Variants in OR5AR1 observed in about 807,000 individuals in gnomAD.
The protein encoded by OR5AR1 is olfactory receptor family 5 subfamily AR member 1.
Under a neutral mutation model 12.3 loss-of-function variants are expected in OR5AR1, and 19 were observed. That is an observed-to-expected ratio of 1.55 (90% confidence interval 1.08 to 2.27). OR5AR1 has a LOEUF of 2.27. OR5AR1 is among the 30% of genes most tolerant of loss of function. OR5AR1 has a pLI of 0.00. For missense variants in OR5AR1, 432 were observed against 378.4 expected, an observed-to-expected ratio of 1.14 and a Z score of -1.18; for synonymous variants, 156 against 138.8, an observed-to-expected ratio of 1.12 and a Z score of -0.87.
chr11:56,664,307 T>C lies in OR5AR1; in HGVS notation c.622T>C (p.Phe208Leu), dbSNP rs776217000. 2 of 1,614,150 alleles carry C rather than the reference T, an allele frequency of 1.2e-6. No individual in the cohort carries two copies. Among genetic ancestry groups the C allele is most frequent in the Non-Finnish European group, 1.7e-6 (2 of 1,180,010 alleles). The part of the protein sequence containing the change: ...LLFSLCGFIE[F>L]STILIIFISY... ...CTTCAGTCTGTGTGGCTTCATTGAA[T>C]TCAGCACCATCCTCATCATCTTCAT... The change falls in exon 1 of 1, where the codon TTC becomes CTC. Residue 208 changes from phenylalanine (F) to leucine (L), a missense_variant. Physicochemically the swap from Phe to Leu is conservative, Grantham distance 22. Transcript: ENST00000624596.
In OR5AR1 at chr11:56,663,772, G is replaced by A; in HGVS notation, c.87G>A (p.Val29=). Residue 29 remains valine (V), a synonymous_variant, in exon 1 of 1, where the codon GTG becomes GTA. Coordinates refer to ENST00000624596, the MANE Select transcript of OR5AR1 (RefSeq NM_001004730.1). ...CTCAGATGGAGATCATCTTCTTCGT[G>A]GTCTTCCTCATAGTTTACCTGGTTA... ...QDPQMEIIFF[V]VFLIVYLVNV... is the part of the protein sequence containing the mutation. 6.2e-7 allele frequency: 1 copy of A among 1,613,280 alleles called. No individual in the cohort carries two copies.
In OR5AR1 at chr11:56,664,493, C is replaced by A; in HGVS notation, c.808C>A (p.Gln270Lys). Residue 270 changes from glutamine to lysine, a missense_variant, in exon 1 of 1, where the codon CAA (glutamine) becomes AAA (lysine). Gln to Lys is a moderately conservative substitution (Grantham distance 53, BLOSUM62 1). Coordinates refer to ENST00000624596, the MANE Select transcript of OR5AR1 (RefSeq NM_001004730.1). ...LRPTSSYSLD[Q>K]DKWASVFYTV... ...GCCAACATCCAGCTACTCCCTGGAC[C>A]AAGACAAGTGGGCCTCTGTGTTCTA... 6.2e-7 allele frequency: 1 copy of A among 1,613,856 alleles called. No homozygotes were observed. The highest frequency in any genetic ancestry group is 1.3e-5 in the African/African-American group (1 of 74,988).
chr11:56,664,341 C>A lies in OR5AR1; in HGVS notation c.656C>A (p.Thr219Asn). ...STILIIFISY[T>N]FILVAIIRMR... is the part of the protein sequence containing the mutation. ...ATCCTCATCATCTTCATCTCCTATA[C>A]CTTTATCCTTGTTGCAATCATCAGA... Residue 219 changes from threonine (T) to asparagine (N), a missense_variant, in exon 1 of 1, where the codon ACC becomes AAC. Thr to Asn is a moderately conservative substitution (Grantham distance 65). Transcript: ENST00000624596. The A allele has an allele frequency of 6.2e-7, 1 of 1,614,108 alleles. No individual in the cohort carries two copies. Among genetic ancestry groups the A allele is most frequent in the Non-Finnish European group, 8.5e-7 (1 of 1,180,022 alleles).
chr11:56,664,476 C>A lies in OR5AR1; in HGVS notation c.791C>A (p.Ser264Tyr). The change falls in exon 1 of 1, where the codon TCC (serine) becomes TAC (tyrosine). Residue 264 changes from serine (S) to tyrosine (Y), a missense_variant. Physicochemically the swap from Ser to Tyr is moderately radical, Grantham distance 144. Coordinates refer to ENST00000624596, the MANE Select transcript of OR5AR1 (RefSeq NM_001004730.1). Reference protein sequence around the residue: ...TVMFMYLRPTSSYSLDQDKWA... With the variant: ...TVMFMYLRPTYSYSLDQDKWA... ...ATGTTTATGTACCTGAGGCCAACAT[C>A]CAGCTACTCCCTGGACCAAGACAAG... is the stretch of plus-strand genomic sequence containing the variant. 6.2e-7 allele frequency: 1 copy of A among 1,614,112 alleles called. No homozygotes were observed. The highest frequency in any genetic ancestry group is 2.2e-5 in the East Asian group (1 of 44,862).
rs778865539 is a variant in OR5AR1, at chr11:56,663,893, G to T, written c.208G>T (p.Asp70Tyr). 1.9e-5 allele frequency: 30 copies of T among 1,613,818 alleles called. No homozygotes were observed. The highest frequency in any genetic ancestry group is 2.5e-5 in the Non-Finnish European group (30 of 1,179,954). Residue 70 changes from aspartate to tyrosine, a missense_variant, in exon 1 of 1, where the codon GAC (aspartate) becomes TAC (tyrosine). Asp to Tyr is a radical substitution (Grantham distance 160, BLOSUM62 -3). Transcript: ENST00000624596. ...YFFLCNLSFV[D>Y]LGYSSAIAPR... The stretch of plus-strand genomic sequence containing the variant: ...TTTCCTCTGCAACCTCTCCTTTGTT[G>T]ACCTGGGCTACTCCTCAGCCATTGC...
Position 56,664,473 on chromosome 11 carries a change from C to T in OR5AR1, c.788C>T (p.Thr263Ile). 3 of 1,614,152 alleles carry T rather than the reference C, an allele frequency of 1.9e-6. No individual in the cohort carries two copies. Among genetic ancestry groups the T allele is most frequent in the East Asian group, 2.2e-5 (1 of 44,868 alleles). Reference sequence around the variant, plus strand: ...GTCATGTTTATGTACCTGAGGCCAACATCCAGCTACTCCCTGGACCAAGAC... The same window carrying T: ...GTCATGTTTATGTACCTGAGGCCAATATCCAGCTACTCCCTGGACCAAGAC... ...GTVMFMYLRP[T>I]SSYSLDQDKW... Residue 263 changes from threonine to isoleucine, a missense_variant, in exon 1 of 1, where the codon ACA (threonine) becomes ATA (isoleucine). Transcript: ENST00000624596.
In OR5AR1 at chr11:56,664,476, C is replaced by T; in HGVS notation, c.791C>T (p.Ser264Phe). 6.2e-7 allele frequency: 1 copy of T among 1,614,112 alleles called. No homozygotes were observed. Among genetic ancestry groups the T allele is most frequent in the Non-Finnish European group, 8.5e-7 (1 of 1,180,010 alleles). The stretch of plus-strand genomic sequence containing the variant: ...ATGTTTATGTACCTGAGGCCAACAT[C>T]CAGCTACTCCCTGGACCAAGACAAG... ...TVMFMYLRPT[S>F]SYSLDQDKWA... The change falls in exon 1 of 1, where the codon TCC (serine) becomes TTC (phenylalanine). Residue 264 changes from serine (S) to phenylalanine (F), a missense_variant. Transcript: ENST00000624596.
chr11:56,663,799 T>G lies in OR5AR1; in HGVS notation c.114T>G (p.Asn38Lys). The G allele has an allele frequency of 1.2e-6, 2 of 1,613,650 alleles. No homozygotes were observed. The highest frequency in any genetic ancestry group is 1.7e-6 in the Non-Finnish European group (2 of 1,179,610). ...FVVFLIVYLV[N>K]VVGNIGMIIL... ...TCTTCCTCATAGTTTACCTGGTTAA[T>G]GTAGTGGGGAATATTGGTATGATTA... is the stretch of plus-strand genomic sequence containing the variant. Residue 38 changes from asparagine (N) to lysine (K), a missense_variant, in exon 1 of 1, where the codon AAT becomes AAG. Asn to Lys is a moderately conservative substitution (Grantham distance 94). Transcript: ENST00000624596.
Position 56,664,306 on chromosome 11 carries a change from AT to A in OR5AR1, c.623del (p.Phe208SerfsTer53). 6.2e-7 allele frequency: 1 copy of A among 1,614,104 alleles called. No individual in the cohort carries two copies. Among genetic ancestry groups the A allele is most frequent in the Non-Finnish European group, 8.5e-7 (1 of 1,180,020 alleles). On this transcript the variant is annotated frameshift_variant, in exon 1 of 1. Transcript: ENST00000624596. LOFTEE classifies it high-confidence loss of function. ...LLFSLCGFIE[F>X]STILIIFISY... ...TCTTCAGTCTGTGTGGCTTCATTGA[AT>A]TCAGCACCATCCTCATCATCTTCAT...
In OR5AR1 at chr11:56,664,582, T is replaced by C. The variant is rs773297198; in HGVS notation, c.897T>C (p.Ala299=). 3.8e-6 allele frequency: 6 copies of C among 1,599,180 alleles called. No individual in the cohort carries two copies. Among genetic ancestry groups the C allele is most frequent in the Non-Finnish European group, 5.1e-6 (6 of 1,172,084 alleles). Residue 299 remains alanine, a synonymous_variant, in exon 1 of 1, where the codon GCT becomes GCC. Coordinates refer to ENST00000624596, the MANE Select transcript of OR5AR1 (RefSeq NM_001004730.1). ...GTTTGCGGAACAAGGATGTGAAAGC[T>C]GCTTTCAAAAAGCTAATTGGAAAAA... ...IYSLRNKDVK[A]AFKKLIGKKS...
rs767339924 is a variant in OR5AR1, at chr11:56,663,702, G to A, written c.17G>A (p.Ser6Asn). MDKEN[S>N]SMVTEFIFMG... ...CTTGAAGCAATGGATAAAGAAAACA[G>A]CTCAATGGTGACTGAGTTTATCTTC... The change falls in exon 1 of 1, where the codon AGC becomes AAC. Residue 6 changes from serine (S) to asparagine (N), a missense_variant. Transcript: ENST00000624596. 2.5e-6 allele frequency: 4 copies of A among 1,609,454 alleles called. No individual in the cohort carries two copies. The highest frequency in any genetic ancestry group is 3.4e-6 in the Non-Finnish European group (4 of 1,177,328).
At position 56,663,958 on chromosome 11, in the gene OR5AR1, T is replaced by A; in HGVS notation, c.273T>A (p.Val91=). The A allele has an allele frequency of 6.2e-7, 1 of 1,614,106 alleles. No individual in the cohort carries two copies. The highest frequency in any genetic ancestry group is 8.5e-7 in the Non-Finnish European group (1 of 1,180,018). The change falls in exon 1 of 1, where the codon GTT becomes GTA. Residue 91 remains valine (V), a synonymous_variant. Coordinates refer to ENST00000624596, the MANE Select transcript of OR5AR1 (RefSeq NM_001004730.1). ...MLADFLTNHK[V]ISFSSCATQF... ...CTGACTTCCTAACAAATCACAAAGT[T>A]ATCTCCTTCTCCAGCTGTGCCACCC...
rs777406563 is a variant in OR5AR1, at chr11:56,664,112, G to A, written c.427G>A (p.Ala143Thr). Reference protein sequence around the residue: ...STFMSKQVCLALMLGSYLAGL... With the variant: ...STFMSKQVCLTLMLGSYLAGL... The stretch of plus-strand genomic sequence containing the variant: ...CTTCATGTCCAAGCAGGTCTGCTTG[G>A]CTCTCATGCTGGGCTCTTACCTGGC... The change falls in exon 1 of 1, where the codon GCT becomes ACT. Residue 143 changes from alanine (A) to threonine (T), a missense_variant. Transcript: ENST00000624596. The A allele has an allele frequency of 2.5e-6, 4 of 1,613,936 alleles. No homozygotes were observed. The highest frequency in any genetic ancestry group is 1.1e-5 in the South Asian group (1 of 91,070).
Position 56,663,847 on chromosome 11 carries a change from G to A in OR5AR1, c.162G>A (p.Gln54=), listed in dbSNP as rs1429846004. The change falls in exon 1 of 1, where the codon CAG becomes CAA. Residue 54 remains glutamine, a synonymous_variant. Coordinates refer to ENST00000624596, the MANE Select transcript of OR5AR1 (RefSeq NM_001004730.1). ...GMIILITTDT[Q]LHTPMYFFLC... ...TTATCCTGATTACAACAGACACTCA[G>A]CTTCACACACCCATGTATTTTTTCC... 9 of 1,614,062 alleles carry A rather than the reference G, an allele frequency of 5.6e-6. No individual in the cohort carries two copies. Among genetic ancestry groups the A allele is most frequent in the Non-Finnish European group, 7.6e-6 (9 of 1,179,984 alleles).
chr11:56,663,938 TTCCTAACAAA>T lies in OR5AR1; in HGVS notation c.256_265del (p.Leu86ThrfsTer17). ...CATTGCCCCCAGGATGCTGGCTGAC[TTCCTAACAAA>T]TCACAAAGTTATCTCCTTCTCCAGC... On this transcript the variant is annotated frameshift_variant, in exon 1 of 1. Coordinates refer to ENST00000624596, the MANE Select transcript of OR5AR1 (RefSeq NM_001004730.1). LOFTEE classifies it high-confidence loss of function. The T allele has an allele frequency of 6.2e-7, 1 of 1,614,160 alleles. No homozygotes were observed. The highest frequency in any genetic ancestry group is 8.5e-7 in the Non-Finnish European group (1 of 1,180,032).
In OR5AR1 at chr11:56,663,885, CCTT is replaced by C; in HGVS notation, c.201_203del (p.Phe68del). On this transcript the variant is annotated inframe_deletion, in exon 1 of 1. Coordinates refer to ENST00000624596, the MANE Select transcript of OR5AR1 (RefSeq NM_001004730.1). ...ATGTATTTTTTCCTCTGCAACCTCT[CCTT>C]TGTTGACCTGGGCTACTCCTCAGCC... is the stretch of plus-strand genomic sequence containing the variant. The C allele has an allele frequency of 1.2e-6, 2 of 1,614,070 alleles. No individual in the cohort carries two copies. The highest frequency in any genetic ancestry group is 2.2e-5 in the South Asian group (2 of 91,084).
chr11:56,663,994 T>G lies in OR5AR1; in HGVS notation c.309T>G (p.Phe103Leu). 1 of 1,614,078 alleles carries G rather than the reference T, an allele frequency of 6.2e-7. No individual in the cohort carries two copies. The highest frequency in any genetic ancestry group is 8.5e-7 in the Non-Finnish European group (1 of 1,180,028). ...CCAGCTGTGCCACCCAGTTTGCTTT[T>G]TTTGTAGGTTTTGTGGATGCTGAGT... Reference protein sequence around the residue: ...SFSSCATQFAFFVGFVDAECY... With the variant: ...SFSSCATQFALFVGFVDAECY... Residue 103 changes from phenylalanine (F) to leucine (L), a missense_variant, in exon 1 of 1, where the codon TTT (phenylalanine) becomes TTG (leucine). Coordinates refer to ENST00000624596, the MANE Select transcript of OR5AR1 (RefSeq NM_001004730.1).
chr11:56,663,939 T>A lies in OR5AR1; in HGVS notation c.254T>A (p.Phe85Tyr). 1 of 1,614,136 alleles carries A rather than the reference T, an allele frequency of 6.2e-7. No individual in the cohort carries two copies. Among genetic ancestry groups the A allele is most frequent in the Non-Finnish European group, 8.5e-7 (1 of 1,180,018 alleles). ...ATTGCCCCCAGGATGCTGGCTGACT[T>A]CCTAACAAATCACAAAGTTATCTCC... ...SAIAPRMLADFLTNHKVISFS... is the reference protein window; with the variant it reads ...SAIAPRMLADYLTNHKVISFS... The change falls in exon 1 of 1, where the codon TTC (phenylalanine) becomes TAC (tyrosine). Residue 85 changes from phenylalanine (F) to tyrosine (Y), a missense_variant. Transcript: ENST00000624596.
At position 56,664,079 on chromosome 11, in the gene OR5AR1, T is replaced by C. The variant is rs1229202181; in HGVS notation, c.394T>C (p.Tyr132His). The change falls in exon 1 of 1, where the codon TAT becomes CAT. Residue 132 changes from tyrosine to histidine, a missense_variant. Physicochemically the swap from Tyr to His is moderately conservative, Grantham distance 83. Coordinates refer to ENST00000624596, the MANE Select transcript of OR5AR1 (RefSeq NM_001004730.1). ...TGTGGCCATTTGTCGACCCCTCCAC[T>C]ATAGCACCTTCATGTCCAAGCAGGT... The part of the protein sequence containing the change: ...RFVAICRPLH[Y>H]STFMSKQVCL... 2.5e-6 allele frequency: 4 copies of C among 1,613,300 alleles called. No individual in the cohort carries two copies. The highest frequency in any genetic ancestry group is 3.4e-6 in the Non-Finnish European group (4 of 1,179,774).
Sources: gnomAD v4.1 joint callset for allele counts on GRCh38, gnomAD v4.1.1 for gene constraint, MANE v1.5 for transcripts, NCBI Gene and HGNC (gene_info 2026-07-23, HGNC 2026-07-21) for gene names.